RNF17: variants seen among roughly 807,000 people sequenced by gnomAD.
The protein encoded by RNF17 is spermatogenesis associated 23.
RNF17 carries 31 observed loss-of-function variants against 200.5 expected under a neutral mutation model. The ratio of observed to expected loss-of-function variants is 0.15; its 90% CI spans 0.12 to 0.21. The LOEUF (loss-of-function observed/expected upper bound fraction) is 0.21, where lower values mean the gene tolerates loss of function less well. Ranked by LOEUF, RNF17 falls within the 10% of genes least tolerant of loss-of-function variation. The pLI is 1.00. For synonymous variants in RNF17, 606 were observed against 637.8 expected (o/e 0.95, Z 0.75); for missense variants, 1,628 against 1,905.1 (o/e 0.85, Z 2.71).
At chr13:24,769,061 C>T (rs1193262399) in intron 2 of RNF17, among the ~76,000 whole-genome samples, 23 of 148,112 alleles carry the variant, frequency 1.6e-4, no homozygotes, top group Admixed American at 1.6e-3. Context: ...CGAAGTGAGC[C>T]CTCCTCATGT....
At position 24,859,117 on chromosome 13, in the gene RNF17, CTG is replaced by C; in HGVS notation, c.3730_3731del (p.Trp1244ValfsTer24). The C allele has an allele frequency of 6.2e-7, 1 of 1,611,004 alleles. No individual in the cohort carries two copies. The highest frequency in any genetic ancestry group is 8.5e-7 in the Non-Finnish European group (1 of 1,177,970). On this transcript the variant is annotated frameshift_variant, in exon 26 of 36. Coordinates refer to ENST00000255324, the MANE Select transcript of RNF17 (RefSeq NM_031277.3). LOFTEE classifies it high-confidence loss of function. The stretch of plus-strand genomic sequence containing the variant: ...ATGTGCAGTAAGAGGATCCGATACT[CTG>C]TGGTATCGTGGCAAGGTGATGGAGG... ...EACAVRGSDT[L>X]WYRGKVMEVV...
rs1265124414 is a variant in RNF17 at position 24,764,886 on chromosome 13, G to GGGGTGT, written c.130+555_130+560dup. On this transcript the variant is annotated intron_variant, in intron 1 of 35. Coordinates refer to ENST00000255324, the MANE Select transcript of RNF17 (RefSeq NM_031277.3). ...TGATAGTTTCTTTTGTGCACCTTGTGGGGTGTGTGTGTGTGTGTGTGTGTG... is the reference window on the plus strand; with the variant it reads ...TGATAGTTTCTTTTGTGCACCTTGTGGGGTGTGGGTGTGTGTGTGTGTGTGTGTGTG... Among the ~76,000 whole-genome samples, 270 of 63,044 alleles carry GGGGTGT rather than the reference G, an allele frequency of 4.3e-3. 1 individual carries two copies. The highest frequency in any genetic ancestry group is 0.015 in the African/African-American group (254 of 17,290). The allele number at this position is 63,044 out of a possible 152,430, so 41.4% of individuals were successfully genotyped here. A position where few individuals can be genotyped will look rare whatever the true frequency, so the allele number is the denominator to read the frequency against.
At chr13:24,752,532 C>T in the RNF17 span, among the ~76,000 whole-genome samples, 11 of 152,362 alleles carry the variant, frequency 7.2e-5, no homozygotes, top group Admixed American at 6.5e-4. Flanking sequence ...AAAGCTTTAT[C>T]TCCTGCCCAT....
intron 16 of RNF17, 62 bp downstream of exon 16, chr13:24,825,834 G>A: frequency 6.6e-7 from 1 of 1,510,228 alleles, no homozygotes; most frequent in Non-Finnish European, 9.0e-7. Context: ...TATCATTTGA[G>A]TTGGTACCAA....
chr13:24,751,293 T>A, the RNF17 span: 6 of 138,672 alleles, frequency 4.3e-5, no homozygotes, highest in Non-Finnish European at 1.6e-5. Context: ...GGTTTTCTGA[T>A]ACTTGTATAT....
intron 25 of RNF17, among the ~76,000 whole-genome samples, chr13:24,854,365 T>C (rs1354149690): frequency 2.6e-5 from 4 of 152,256 alleles, no homozygotes; most frequent in South Asian, 4.1e-4. Flanking sequence ...AATTATATTA[T>C]GTGAGTGCTA....
rs533851847 is a variant in RNF17, at chr13:24,832,713, G to A, written c.2482+735G>A. 2.5e-4 allele frequency among the ~76,000 whole-genome samples: 38 copies of A among 152,136 alleles called. 1 individual carries two copies. The South Asian group carries it at 7.7e-3, about 31-fold the overall frequency. The stretch of plus-strand genomic sequence containing the variant: ...ATTCTGAAACATGCCTGGCCCCAAG[G>A]GTTTTAGATAGGGGGATTGGGAATC... On this transcript the variant is annotated intron_variant, in intron 18 of 35. Coordinates refer to ENST00000255324, the MANE Select transcript of RNF17 (RefSeq NM_031277.3).
the RNF17 span, chr13:24,886,360 G>T: frequency 7.8e-7 from 1 of 1,289,224 alleles, no homozygotes; most frequent in Non-Finnish European, 1.0e-6. Flanking sequence ...ACAAGCTGCT[G>T]GGCGTGTGAG....
chr13:24,831,469 G>A (rs1201018062), intron 17 of RNF17, among the ~76,000 whole-genome samples: 1 of 152,080 alleles, frequency 6.6e-6, no homozygotes, highest in African/African-American at 2.4e-5. Context: ...GAGCAAAAGG[G>A]AGAATCACTC....
intron 2 of RNF17, among the ~76,000 whole-genome samples, chr13:24,770,761 T>G (rs765184625): frequency 3.9e-5 from 6 of 152,238 alleles, no homozygotes; most frequent in Non-Finnish European, 8.8e-5. Context: ...CTTTGTTTCT[T>G]TTAGCAACCT....
chr13:24,754,743 A>G, the RNF17 span, among the ~76,000 whole-genome samples: 2 of 152,088 alleles, frequency 1.3e-5, no homozygotes, highest in Admixed American at 1.3e-4. Context: ...AAAATAAAAT[A>G]AAATTAGCCA....
intron 22 of RNF17, among the ~76,000 whole-genome samples, chr13:24,848,762 AT>A (rs1212717094): frequency 1.3e-5 from 2 of 151,912 alleles, no homozygotes; most frequent in African/African-American, 4.9e-5. Context: ...ATATTCATAC[AT>A]TTTTTAAATG....
At chr13:24,867,227 T>TA (rs1893728109) in intron 30 of RNF17, among the ~76,000 whole-genome samples, 1 of 152,242 alleles carries the variant, frequency 6.6e-6, no homozygotes, top group Non-Finnish European at 1.5e-5. Context: ...AGTGTCTCGC[T>TA]ATATTGCCCA....
chr13:24,859,188 C>T, intron 26 of RNF17, 24 bp downstream of exon 26: 1 of 1,545,166 alleles, frequency 6.5e-7, no homozygotes, highest in South Asian at 1.2e-5. Context: ...TCTTTTGTGA[C>T]AATTCTAAAG....
At chr13:24,797,705 A>AGTTTGTGTGTGTGTGTGTGTGTGT (rs59493601) in intron 11 of RNF17, among the ~76,000 whole-genome samples, 13 of 119,096 alleles carry the variant, frequency 1.1e-4, no homozygotes, top group East Asian at 5.1e-4. Context: ...AGAGACAAAG[A>AGTTTGTGTGTGTGTGTGTGTGTGT]GTGTGTGTGT....
chr13:24,845,349 A>G (rs1891142521), intron 22 of RNF17, among the ~76,000 whole-genome samples: 1 of 152,214 alleles, frequency 6.6e-6, no homozygotes, highest in African/African-American at 2.4e-5. Flanking sequence ...AAATTGTGTA[A>G]GTTTAGAATT....
chr13:24,772,609 C>CTT (rs986274279), intron 2 of RNF17, among the ~76,000 whole-genome samples: 1 of 143,750 alleles, frequency 7.0e-6, no homozygotes, highest in African/African-American at 2.5e-5. Flanking sequence ...ACAGACACTT[C>CTT]TTTTTTTTTT....
chr13:24,815,472 TG>T (rs1758992845), intron 15 of RNF17, among the ~76,000 whole-genome samples: 2 of 137,274 alleles, frequency 1.5e-5, no homozygotes, highest in Non-Finnish European at 3.2e-5. Flanking sequence ...TGTGTGTGTG[TG>T]TATAATTTGG....
At chr13:24,833,908 A>G (rs2138049046) in intron 18 of RNF17, among the ~76,000 whole-genome samples, 1 of 152,364 alleles carries the variant, frequency 6.6e-6, no homozygotes, top group Non-Finnish European at 1.5e-5. Context: ...AAGGTACAGA[A>G]CACAGAGAAA....
Sources: gnomAD v4.1 joint callset for allele counts (sites outside exome capture counted in the v4.1 genomes callset) on GRCh38, gnomAD v4.1.1 for gene constraint, MANE v1.5 for transcripts, NCBI Gene and HGNC (gene_info 2026-07-23, HGNC 2026-07-21) for gene names.